ZDHHC7: variants seen among roughly 807,000 people sequenced by gnomAD.
ZDHHC7 encodes the protein zDHHC palmitoyltransferase 7.
In ZDHHC7, 12 loss-of-function variants were observed where a neutral mutation model predicts 34.1. That is an observed-to-expected ratio of 0.35 (90% CI 0.23 to 0.57). The LOEUF (loss-of-function observed/expected upper bound fraction) is 0.57. Ranked by LOEUF, ZDHHC7 falls within the 20% of genes least tolerant of loss-of-function variation. The pLI is 0.84. For synonymous variants in ZDHHC7, 185 were observed against 155.4 expected, an observed-to-expected ratio of 1.19 and a Z score of -1.42; for missense variants, 388 against 402.7, an observed-to-expected ratio of 0.96 and a Z score of 0.31.
At chr16:85,025,558 T>C in the ZDHHC7 span, among the ~76,000 whole-genome samples, 1 of 152,134 alleles carries the variant, frequency 6.6e-6, no homozygotes, top group Non-Finnish European at 1.5e-5. Context: ...TACAGGCACC[T>C]GCCACCATGC....
chr16:84,992,872 A>G (rs1264814391), intron 2 of ZDHHC7, among the ~76,000 whole-genome samples: 11 of 152,202 alleles, frequency 7.2e-5, no homozygotes, highest in African/African-American at 2.7e-4. Context: ...GAACATAGCA[A>G]TTATGAAAAC....
chr16:84,986,342 T>G (rs1431039343), intron 3 of ZDHHC7, among the ~76,000 whole-genome samples: 2 of 152,224 alleles, frequency 1.3e-5, no homozygotes, highest in Non-Finnish European at 2.9e-5. Flanking sequence ...CCTCGTGTTC[T>G]CACACGGATG....
chr16:84,987,590 C>G lies in ZDHHC7; in HGVS notation c.315+2714G>C, dbSNP rs150912101. ...GTCACCATATGTCCCAGCAACTCCA[C>G]TCCTAGGTATATACCCAAGAGGAAT... is the stretch of plus-strand genomic sequence containing the variant. On this transcript the variant is annotated intron_variant, in intron 3 of 7. Transcript: ENST00000313732. 2.6e-3 allele frequency among the ~76,000 whole-genome samples: 400 copies of G among 152,260 alleles called. 2 individuals are homozygous for G. Among genetic ancestry groups the G allele is most frequent in the African/African-American group, 8.9e-3 (371 of 41,564 alleles).
At chr16:84,980,062 G>A (rs554974794) in intron 4 of ZDHHC7, among the ~76,000 whole-genome samples, 23 of 145,660 alleles carry the variant, frequency 1.6e-4, no homozygotes, top group African/African-American at 5.1e-4. Flanking sequence ...CCGGGTTCAC[G>A]CCATTCTCCT....
intron 4 of ZDHHC7, among the ~76,000 whole-genome samples, chr16:84,981,611 G>C (rs1349332413): frequency 1.3e-5 from 2 of 152,216 alleles, no homozygotes; most frequent in African/African-American, 4.8e-5. Context: ...CAGTTGTTGA[G>C]CCACAGCGAG....
chr16:84,988,883 A>G (rs1490522830), intron 3 of ZDHHC7: 5 of 1,551,398 alleles, frequency 3.2e-6, no homozygotes, highest in Non-Finnish European at 3.5e-6. Flanking sequence ...CCTACAAGGC[A>G]ATATTCCAGT....
chr16:84,993,181 C>A (rs1292636112), intron 2 of ZDHHC7, among the ~76,000 whole-genome samples: 1 of 151,592 alleles, frequency 6.6e-6, no homozygotes, highest in African/African-American at 2.4e-5. Context: ...ATTAACCAGG[C>A]ATGGTGGCTT....
chr16:84,988,698 A>G, intron 3 of ZDHHC7: 1 of 1,415,018 alleles, frequency 7.1e-7, no homozygotes, highest in Non-Finnish European at 9.7e-7. Context: ...GTCAGCAAAG[A>G]GGAGCAAACT....
Position 84,987,000 on chromosome 16 carries a change from A to T in ZDHHC7, c.315+3304T>A, listed in dbSNP as rs186942512. On this transcript the variant is annotated intron_variant, in intron 3 of 7. Coordinates refer to ENST00000313732, the MANE Select transcript of ZDHHC7 (RefSeq NM_017740.3). ...CCCCTTCAGAAAAGTAGACCTGGAC[A>T]TCAGTGACTGCCACTCCACCTGCTC... 3.3e-5 allele frequency among the ~76,000 whole-genome samples: 5 copies of T among 152,338 alleles called. No homozygotes were observed. In the East Asian group the frequency reaches 9.7e-4, roughly 29 times the overall value.
the ZDHHC7 span, among the ~76,000 whole-genome samples, chr16:85,019,363 CAT>C: frequency 2.0e-5 from 3 of 152,276 alleles, no homozygotes; most frequent in South Asian, 2.1e-4. Flanking sequence ...AGTAGGCACT[CAT>C]GTGAATAGCC....
intron 1 of ZDHHC7, among the ~76,000 whole-genome samples, chr16:85,010,415 A>G (rs1355119396): frequency 6.6e-6 from 1 of 152,232 alleles, no homozygotes; most frequent in Non-Finnish European, 1.5e-5. Context: ...TGTGAGATGA[A>G]GAGTTCAGAA....
At chr16:84,996,105 T>G (rs1236919162) in intron 1 of ZDHHC7, 98 bp from the exon 2 acceptor site, 1 of 152,220 alleles carries the variant, frequency 6.6e-6, no homozygotes, top group African/African-American at 2.4e-5. Flanking sequence ...AGCGTAACAT[T>G]TGACGCATCA....
intron 1 of ZDHHC7, among the ~76,000 whole-genome samples, chr16:85,003,132 C>G (rs2072674289): frequency 1.3e-5 from 2 of 152,122 alleles, no homozygotes; most frequent in South Asian, 4.1e-4. Context: ...AGGCCAACCT[C>G]AGAGTCCAGG....
intron 1 of ZDHHC7, among the ~76,000 whole-genome samples, chr16:85,000,918 A>C (rs1451842549): frequency 6.6e-6 from 1 of 152,238 alleles, no homozygotes; most frequent in African/African-American, 2.4e-5. Context: ...CTACTTCTGG[A>C]AGAACCAGAG....
At chr16:84,977,368 T>C in intron 6 of ZDHHC7, 143 bp from the exon 7 acceptor site, 1 of 1,099,234 alleles carries the variant, frequency 9.1e-7, no homozygotes, top group East Asian at 2.5e-5. Context: ...GCACATTCAT[T>C]GTTCTCCAAG....
rs78122391 is a variant in ZDHHC7 at position 85,008,512 on chromosome 16, A to C, written c.-104+2774T>G. ...GGAACCACCACCTACACCCCCCCCC[A>C]AAAAAAAGCCAACTTGCAGTTGGTA... On this transcript the variant is annotated intron_variant, in intron 1 of 7. Coordinates refer to ENST00000313732, the MANE Select transcript of ZDHHC7 (RefSeq NM_017740.3). 8.5e-3 allele frequency among the ~76,000 whole-genome samples: 818 copies of C among 95,948 alleles called. 12 individuals carry two copies. The highest frequency in any genetic ancestry group is 0.043 in the African/African-American group (780 of 17,964). The allele number at this position is 95,948 out of a possible 152,430, so 62.9% of individuals were successfully genotyped here.
intron 1 of ZDHHC7, among the ~76,000 whole-genome samples, chr16:84,996,668 GGGCCACAGGGAAACCCCC>G (rs2072582292): frequency 1.3e-5 from 2 of 152,174 alleles, no homozygotes; most frequent in Admixed American, 6.5e-5. Context: ...CCTAAGTCAG[GGGCCACAGGGAAACCCCC>G]GCCACGGACA....
chr16:85,010,253 C>T (rs901502733), intron 1 of ZDHHC7, among the ~76,000 whole-genome samples: 7 of 151,372 alleles, frequency 4.6e-5, no homozygotes, highest in Admixed American at 4.6e-4. Flanking sequence ...AACTCCTGGG[C>T]TCAAGTGATC....
At position 84,979,275 on chromosome 16, in the gene ZDHHC7, T is replaced by G; in HGVS notation, c.451A>C (p.Arg151=). The G allele has an allele frequency of 6.2e-7, 1 of 1,609,512 alleles. No homozygotes were observed. The highest frequency in any genetic ancestry group is 1.1e-5 in the South Asian group (1 of 89,414). Residue 151 remains arginine (R), a synonymous_variant, in exon 5 of 8, where the codon AGA becomes CGA. Transcript: ENST00000313732. The stretch of plus-strand genomic sequence containing the variant: ...TGATGATCCATTTTCCGAATACATC[T>G]TTTGCAAATACTGAAAAGGAGAGTT... ...ERAHHCSICK[R]CIRKMDHHCP...
Sources: gnomAD v4.1 joint callset for allele counts (sites outside exome capture counted in the v4.1 genomes callset) on GRCh38, gnomAD v4.1.1 for gene constraint, MANE v1.5 for transcripts, NCBI Gene and HGNC (gene_info 2026-07-23, HGNC 2026-07-21) for gene names.